Variants in NYAP2 observed in about 807,000 individuals in gnomAD.
The protein encoded by NYAP2 is neuronal tyrosine-phosphorylated phosphoinositide-3-kinase adapter 2.
A neutral mutation model predicts 50.4 loss-of-function variants in NYAP2; 23 were observed. That is an observed-to-expected ratio of 0.46 (90% CI 0.33 to 0.65). The LOEUF (loss-of-function observed/expected upper bound fraction) is 0.65, where lower values mean the gene tolerates loss of function less well. Ranked by LOEUF, NYAP2 falls within the 30% of genes least tolerant of loss-of-function variation. The probability of loss-of-function intolerance (pLI) is 0.02; values close to 1 mark genes in which losing one functional copy is unlikely to be tolerated. For synonymous variants in NYAP2, 394 were observed against 365.2 expected (o/e 1.08, Z -0.90); for missense variants, 885 against 861.0 (o/e 1.03, Z -0.35).
At chr2:225,630,412 T>G (rs1022603669) in intron 6 of NYAP2, among the ~76,000 whole-genome samples, 1 of 152,190 alleles carries the variant, frequency 6.6e-6, no homozygotes, top group African/African-American at 2.4e-5. Flanking sequence ...ATTGTTTTCA[T>G]GATGACAAAG....
chr2:225,587,528 A>G (rs1005264272), intron 5 of NYAP2, among the ~76,000 whole-genome samples: 5 of 152,114 alleles, frequency 3.3e-5, no homozygotes, highest in African/African-American at 1.2e-4. Flanking sequence ...ATGTTTAAGA[A>G]TGCTAACAGG....
chr2:225,521,534 T>C (rs1459967292), intron 4 of NYAP2, among the ~76,000 whole-genome samples: 2 of 152,166 alleles, frequency 1.3e-5, no homozygotes, highest in African/African-American at 4.8e-5. Flanking sequence ...GAGATAATCA[T>C]GTGGTTTTTG....
At chr2:225,569,222 A>G (rs1259179421) in intron 4 of NYAP2, among the ~76,000 whole-genome samples, 3 of 152,222 alleles carry the variant, frequency 2.0e-5, no homozygotes, top group Non-Finnish European at 4.4e-5. Context: ...CAGAAATAGA[A>G]GACAATGGCT....
intron 3 of NYAP2, among the ~76,000 whole-genome samples, chr2:225,424,476 A>G (rs1271631226): frequency 6.6e-6 from 1 of 152,002 alleles, no homozygotes; most frequent in East Asian, 1.9e-4. Flanking sequence ...ATTTTTTTTA[A>G]TATTGGCTTT....
At chr2:225,416,278 A>G (rs1695120547) in intron 3 of NYAP2, among the ~76,000 whole-genome samples, 1 of 152,214 alleles carries the variant, frequency 6.6e-6, no homozygotes, top group Non-Finnish European at 1.5e-5. Flanking sequence ...ATGCATGGGC[A>G]AGTTTTTTAT....
chr2:225,620,409 GCACACATGCACGCACACGCACGCA>G (rs1338418065), intron 5 of NYAP2, among the ~76,000 whole-genome samples: 1 of 140,106 alleles, frequency 7.1e-6, no homozygotes, highest in Non-Finnish European at 1.6e-5. Context: ...ACACGCGCAC[GCACACATGCACGCACACGCACGCA>G]CACACGCACG....
intron 5 of NYAP2, among the ~76,000 whole-genome samples, chr2:225,596,517 G>A (rs1260308986): frequency 2.6e-5 from 4 of 152,170 alleles, no homozygotes; most frequent in Non-Finnish European, 5.9e-5. Flanking sequence ...TGAGGGCAGG[G>A]ACAGTTTATA....
intron 3 of NYAP2, among the ~76,000 whole-genome samples, chr2:225,477,570 A>G (rs1187511590): frequency 6.6e-6 from 1 of 152,106 alleles, no homozygotes; most frequent in African/African-American, 2.4e-5. Context: ...CACAGATCTT[A>G]CTGATACTGC....
intron 6 of NYAP2, among the ~76,000 whole-genome samples, chr2:225,628,939 A>G (rs1055235113): frequency 1.3e-5 from 2 of 152,190 alleles, no homozygotes; most frequent in Non-Finnish European, 2.9e-5. Context: ...CAAATAGACA[A>G]CTGCAGTATA....
chr2:225,490,696 G>C (rs1006978040), intron 3 of NYAP2, among the ~76,000 whole-genome samples: 3 of 152,162 alleles, frequency 2.0e-5, no homozygotes, highest in African/African-American at 7.2e-5. Flanking sequence ...ACTCAGAGAG[G>C]AACCTGACAG....
chr2:225,699,299 A>G, the NYAP2 span: 3 of 151,940 alleles, frequency 2.0e-5, no homozygotes, highest in South Asian at 2.1e-4. Flanking sequence ...TCCCAGCAGA[A>G]AACATTTCCT....
At chr2:225,459,385 G>C (rs966982682) in intron 3 of NYAP2, among the ~76,000 whole-genome samples, 4 of 152,106 alleles carry the variant, frequency 2.6e-5, no homozygotes, top group African/African-American at 7.2e-5. Context: ...TCTCCCACCT[G>C]ATGTTTGCAC....
the NYAP2 span, among the ~76,000 whole-genome samples, chr2:225,664,853 A>G: frequency 3.9e-5 from 6 of 152,304 alleles, no homozygotes; most frequent in East Asian, 1.2e-3. Flanking sequence ...AGCCTGGGCG[A>G]CAGAGCGAGA....
intron 4 of NYAP2, among the ~76,000 whole-genome samples, chr2:225,515,784 A>G (rs1042583551): frequency 6.6e-6 from 1 of 152,154 alleles, no homozygotes; most frequent in Non-Finnish European, 1.5e-5. Flanking sequence ...CCAGAAAACT[A>G]CCTAATAAAT....
intron 5 of NYAP2, among the ~76,000 whole-genome samples, chr2:225,592,361 C>T (rs750059721): frequency 3.3e-4 from 51 of 152,244 alleles, no homozygotes; most frequent in Non-Finnish European, 5.4e-4. Context: ...GCAATGAGCA[C>T]CCTAGCAGCA....
At position 225,512,838 on chromosome 2, in the gene NYAP2, T is replaced by TC. The variant is rs199823852; in HGVS notation, c.222-533_222-532insC. ...CTTTCTTTCTCTCTCTCTCTCTCTC[T>TC]TTCTTTCTTTCTTTCTTCCTTCCTT... On this transcript the variant is annotated intron_variant, in intron 3 of 6. Transcript: ENST00000636099. Among the ~76,000 whole-genome samples, 107 of 84,344 alleles carry TC rather than the reference T, an allele frequency of 1.3e-3. 1 individual carries two copies. The highest frequency in any genetic ancestry group is 6.1e-3 in the Admixed American group (48 of 7,828). 55.3% of individuals were successfully genotyped at this position (84,344 alleles called of 152,430 possible). A position where few individuals can be genotyped will look rare whatever the true frequency, so the allele number is the denominator to read the frequency against.
At chr2:225,554,240 C>T (rs1691733786) in intron 4 of NYAP2, among the ~76,000 whole-genome samples, 2 of 147,808 alleles carry the variant, frequency 1.4e-5, no homozygotes, top group African/African-American at 2.6e-5. Flanking sequence ...CTCCTATGGC[C>T]TTAGTATAAA....
In NYAP2 at chr2:225,416,060, A is replaced by T. The variant is rs145260363; in HGVS notation, c.221+6959A>T. Among the ~76,000 whole-genome samples the T allele has an allele frequency of 3.9e-3, 601 of 152,276 alleles. 4 individuals are homozygous for T. The highest frequency in any genetic ancestry group is 6.8e-3 in the Middle Eastern group (2 of 294). ...GGTTAATGTGTTGATAACGGGTGAG[A>T]TTAAACAGCAGCCAGTATCTTAATA... On this transcript the variant is annotated intron_variant, in intron 3 of 6. Coordinates refer to ENST00000636099, the Ensembl canonical transcript of NYAP2.
At chr2:225,560,905 T>C (rs1225638446) in intron 4 of NYAP2, among the ~76,000 whole-genome samples, 2 of 150,642 alleles carry the variant, frequency 1.3e-5, no homozygotes, top group Non-Finnish European at 3.0e-5. Context: ...ATGGAAGAGA[T>C]GCAGGCAACA....
Sources: gnomAD v4.1 joint callset for allele counts (sites outside exome capture counted in the v4.1 genomes callset) on GRCh38, gnomAD v4.1.1 for gene constraint, MANE v1.5 for transcripts, NCBI Gene and HGNC (gene_info 2026-07-23, HGNC 2026-07-21) for gene names.